DUS2: variants seen among roughly 807,000 people sequenced by gnomAD.
DUS2 encodes the protein tRNA-dihydrouridine(20) synthase [NAD(P)+]-like.
In DUS2, 52 loss-of-function variants were observed where a neutral mutation model predicts 71.3. That is an observed-to-expected ratio of 0.73 (90% CI 0.58 to 0.92). The LOEUF is 0.92. Ranked by LOEUF, DUS2 falls within the 40% of genes least tolerant of loss-of-function variation. DUS2 has a pLI of 0.00. For missense variants in DUS2, 558 were observed against 622.6 expected, an observed-to-expected ratio of 0.90 and a Z score of 1.10; for synonymous variants, 204 against 227.8, an observed-to-expected ratio of 0.90 and a Z score of 0.94.
chr16:68,039,068 A>G (rs2033580976), intron 3 of DUS2, among the ~76,000 whole-genome samples: 1 of 151,972 alleles, frequency 6.6e-6, no homozygotes, highest in African/African-American at 2.4e-5. Flanking sequence ...TGTACAAAAG[A>G]AAAAGAAAAC....
Position 68,066,357 on chromosome 16 carries a change from C to G in DUS2, c.458C>G (p.Thr153Ser). Reference protein sequence around the residue: ...TLVKGTRRPVTCKIRILPSLE... With the variant: ...TLVKGTRRPVSCKIRILPSLE... Reference sequence around the variant, plus strand: ...GTTAAAGGGACACGCAGACCTGTGACCTGCAAGATTCGCATCCTGCCATCG... The same window carrying G: ...GTTAAAGGGACACGCAGACCTGTGAGCTGCAAGATTCGCATCCTGCCATCG... Residue 153 changes from threonine to serine, a missense_variant, in exon 9 of 17, where the codon ACC (threonine) becomes AGC (serine). Coordinates refer to ENST00000565263, the MANE Select transcript of DUS2 (RefSeq NM_017803.5). 1 of 1,614,170 alleles carries G rather than the reference C, an allele frequency of 6.2e-7. No homozygotes were observed.
chr16:68,075,130 C>A (rs2034139237), intron 13 of DUS2, among the ~76,000 whole-genome samples: 1 of 152,166 alleles, frequency 6.6e-6, no homozygotes, highest in South Asian at 2.1e-4. Context: ...GCCACCCAGC[C>A]CAGCCTCCCT....
At chr16:68,035,802 C>A (rs891111033) in intron 2 of DUS2, among the ~76,000 whole-genome samples, 2 of 142,540 alleles carry the variant, frequency 1.4e-5, no homozygotes, top group African/African-American at 5.4e-5. Context: ...GCAACCTGTG[C>A]CTTGCAGGTT....
chr16:68,075,360 C>G lies in DUS2; in HGVS notation c.938C>G (p.Ala313Gly). ...AAQSSREICE[A>G]FGLGAFYEET... ...ATCTGCTTCTTCCTCCCTAGTGAGG[C>G]CTTTGGCCTTGGTGCCTTCTATGAG... Residue 313 changes from alanine to glycine, a missense_variant, in exon 14 of 17, where the codon GCC (alanine) becomes GGC (glycine). Ala to Gly is a moderately conservative substitution (Grantham distance 60). Coordinates refer to ENST00000565263, the MANE Select transcript of DUS2 (RefSeq NM_017803.5). The G allele has an allele frequency of 6.2e-7, 1 of 1,606,940 alleles. No homozygotes were observed. The highest frequency in any genetic ancestry group is 8.5e-7 in the Non-Finnish European group (1 of 1,176,224).
In DUS2 at chr16:68,056,347, C is replaced by T. The variant is rs1336617333; in HGVS notation, c.309-17C>T. The stretch of plus-strand genomic sequence containing the variant: ...TAATTCAATACTTATTACCTTTACT[C>T]CTTCATCCTTTTCCAGAGAAAATGA... On this transcript the variant is annotated splice_polypyrimidine_tract_variant and intron_variant, in intron 6 of 16. Coordinates refer to ENST00000565263, the MANE Select transcript of DUS2 (RefSeq NM_017803.5). The T allele has an allele frequency of 6.2e-7, 1 of 1,611,076 alleles. No homozygotes were observed.
chr16:68,075,212 G>A, intron 13 of DUS2, 143 bp from the exon 14 acceptor site: 2 of 702,782 alleles, frequency 2.8e-6, no homozygotes, highest in Non-Finnish European at 4.3e-6. Context: ...CTGGGCAGGG[G>A]GCACATTCTG....
At position 68,052,065 on chromosome 16, in the gene DUS2, A is replaced by AT. The variant is rs1026223740; in HGVS notation, c.173-1488dup. Reference sequence around the variant, plus strand: ...AGGTGTGTGCCACCACACCCAGCTAATTTTTTTTTTTGTATTTTAGTAGAG... The same window carrying AT: ...AGGTGTGTGCCACCACACCCAGCTAATTTTTTTTTTTTGTATTTTAGTAGAG... On this transcript the variant is annotated intron_variant, in intron 4 of 16. Transcript: ENST00000565263. Among the ~76,000 whole-genome samples the AT allele has an allele frequency of 1.1e-3, 163 of 146,198 alleles. 1 individual carries two copies. The Middle Eastern group carries it at 0.014, about 12-fold the overall frequency.
chr16:68,025,479 C>G lies in DUS2; in HGVS notation c.-34C>G, dbSNP rs1315027815. On this transcript the variant is annotated 5_prime_UTR_variant, in exon 2 of 17. It adds an upstream start codon to the 5' untranslated region. Coordinates refer to ENST00000565263, the MANE Select transcript of DUS2 (RefSeq NM_017803.5). Reference sequence around the variant, plus strand: ...ATATATCAAAGTAATCCTGAAGTATCAGAACAAAATAATAGGTATGTATAT... The same window carrying G: ...ATATATCAAAGTAATCCTGAAGTATGAGAACAAAATAATAGGTATGTATAT... The G allele has an allele frequency of 6.6e-6, 1 of 152,102 alleles. No homozygotes were observed. Among genetic ancestry groups the G allele is most frequent in the African/African-American group, 2.4e-5 (1 of 41,416 alleles). 9.4% of individuals were successfully genotyped at this position (152,102 alleles called of 1,614,324 possible).
intron 12 of DUS2, among the ~76,000 whole-genome samples, chr16:68,073,244 A>G (rs2034111680): frequency 6.6e-6 from 1 of 152,186 alleles, no homozygotes; most frequent in Non-Finnish European, 1.5e-5. Flanking sequence ...GTAGATGACC[A>G]AGGTCGAAGT....
intron 3 of DUS2, among the ~76,000 whole-genome samples, chr16:68,042,864 A>C (rs748961198): frequency 6.6e-6 from 1 of 151,912 alleles, no homozygotes; most frequent in Non-Finnish European, 1.5e-5. Context: ...ATGCACCACT[A>C]CACCTGGCTA....
intron 13 of DUS2, among the ~76,000 whole-genome samples, chr16:68,075,138 C>T (rs529784717): frequency 5.0e-4 from 76 of 152,318 alleles, no homozygotes; most frequent in African/African-American, 1.7e-3. Context: ...GCCCAGCCTC[C>T]CTCCAGTGTC....
At chr16:68,042,389 G>T (rs566966552) in intron 3 of DUS2, among the ~76,000 whole-genome samples, 13 of 152,262 alleles carry the variant, frequency 8.5e-5, no homozygotes, top group African/African-American at 2.9e-4. Context: ...CCGGAAGTGG[G>T]ATTGCTAGAT....
chr16:68,049,635 T>C (rs1176360779), intron 4 of DUS2, 85 bp downstream of exon 4: 9 of 1,279,300 alleles, frequency 7.0e-6, no homozygotes, highest in Non-Finnish European at 1.0e-5. Context: ...GGGGTGACAG[T>C]GTCTTGCCTG....
At chr16:68,058,115 G>A (rs964218523) in intron 7 of DUS2, among the ~76,000 whole-genome samples, 1 of 151,986 alleles carries the variant, frequency 6.6e-6, no homozygotes, top group African/African-American at 2.4e-5. Context: ...TGAGTAGCCC[G>A]ATTTGACCAG....
In DUS2 at chr16:68,054,616, G is replaced by A; in HGVS notation, c.307G>A (p.Val103Ile). Residue 103 changes from valine (V) to isoleucine (I), a missense_variant and splice_region_variant, in exon 6 of 17, where the codon GTA (valine) becomes ATA (isoleucine). Coordinates refer to ENST00000565263, the MANE Select transcript of DUS2 (RefSeq NM_017803.5). The part of the protein sequence containing the change: ...AERALAVARL[V>I]ENDVAGIDVN... ...GCGAGCCCTTGCTGTGGCCAGGCTT[G>A]TGTAAGTTCATCCTCTGTCTTTAGC... 3 of 1,614,206 alleles carry A rather than the reference G, an allele frequency of 1.9e-6. No homozygotes were observed. Among genetic ancestry groups the A allele is most frequent in the South Asian group, 1.1e-5 (1 of 91,086 alleles).
At chr16:68,074,873 T>C (rs2034135846) in intron 13 of DUS2, among the ~76,000 whole-genome samples, 1 of 152,122 alleles carries the variant, frequency 6.6e-6, no homozygotes, top group South Asian at 2.1e-4. Flanking sequence ...ATTGGTTCAG[T>C]CCCTACCCCA....
chr16:68,030,959 G>A (rs1033795160), intron 2 of DUS2, among the ~76,000 whole-genome samples: 6 of 152,072 alleles, frequency 3.9e-5, no homozygotes. Flanking sequence ...GCCCAGGCTG[G>A]TCCCAAACTC....
At chr16:68,039,009 G>A (rs141633599) in intron 3 of DUS2, among the ~76,000 whole-genome samples, 1,996 of 151,898 alleles carry the variant, frequency 0.013, 42 homozygotes, top group African/African-American at 0.045. Flanking sequence ...GACCAGCCTG[G>A]GCAACGTAGT....
Position 68,075,468 on chromosome 16 carries a change from C to A in DUS2, c.1046C>A (p.Thr349Asn). The A allele has an allele frequency of 6.2e-7, 1 of 1,613,646 alleles. No homozygotes were observed. The highest frequency in any genetic ancestry group is 1.3e-5 in the African/African-American group (1 of 75,050). ...CAGACAGGGGAGCCAGCTGAAGATACCTCTGGTGTCATTAAGATGGCTGTC... is the reference window on the plus strand; with the variant it reads ...CAGACAGGGGAGCCAGCTGAAGATAACTCTGGTGTCATTAAGATGGCTGTC... ...SEQTGEPAED[T>N]SGVIKMAVKF... The change falls in exon 14 of 17, where the codon ACC becomes AAC. Residue 349 changes from threonine to asparagine, a missense_variant. Coordinates refer to ENST00000565263, the MANE Select transcript of DUS2 (RefSeq NM_017803.5).
Sources: gnomAD v4.1 joint callset for allele counts (sites outside exome capture counted in the v4.1 genomes callset) on GRCh38, gnomAD v4.1.1 for gene constraint, MANE v1.5 for transcripts, NCBI Gene and HGNC (gene_info 2026-07-23, HGNC 2026-07-21) for gene names.